PTPRT: variants seen among roughly 807,000 people sequenced by gnomAD.
PTPRT encodes the protein protein tyrosine phosphatase receptor type T, also known as receptor-type tyrosine-protein phosphatase T.
PTPRT carries 56 observed loss-of-function variants against 176.8 expected under a neutral mutation model. The ratio of observed to expected loss-of-function variants is 0.32; its 90% CI spans 0.26 to 0.40. PTPRT has a LOEUF of 0.40. PTPRT is among the 10% of genes least tolerant of loss of function. The pLI, the probability that PTPRT is intolerant of heterozygous loss-of-function variation, is 1.00. For synonymous variants in PTPRT, 783 were observed against 739.0 expected, an observed-to-expected ratio of 1.06 and a Z score of -0.96; for missense variants, 1,540 against 1,908.2, an observed-to-expected ratio of 0.81 and a Z score of 3.60.
At chr20:42,389,209 G>A (rs751803808) in intron 9 of PTPRT, among the ~76,000 whole-genome samples, 1 of 151,974 alleles carries the variant, frequency 6.6e-6, no homozygotes, top group East Asian at 1.9e-4. Flanking sequence ...ACACCAACAT[G>A]GCACGTGTAT....
At chr20:42,434,611 G>A (rs1277999554) in intron 9 of PTPRT, among the ~76,000 whole-genome samples, 1 of 145,254 alleles carries the variant, frequency 6.9e-6, no homozygotes, top group Admixed American at 7.2e-5. Context: ...CTCTACCTAC[G>A]CCTTCAAAGG....
chr20:42,476,204 G>T (rs558233671), intron 7 of PTPRT, among the ~76,000 whole-genome samples: 2 of 152,322 alleles, frequency 1.3e-5, no homozygotes, highest in African/African-American at 4.8e-5. Flanking sequence ...AATGCCTTTG[G>T]AAGCTTGTGT....
At chr20:42,876,526 G>A (rs1424273258) in intron 2 of PTPRT, among the ~76,000 whole-genome samples, 1 of 152,076 alleles carries the variant, frequency 6.6e-6, no homozygotes, top group Admixed American at 6.5e-5. Flanking sequence ...CTTCAGAGCA[G>A]AAGAACCCAG....
intron 1 of PTPRT, among the ~76,000 whole-genome samples, chr20:42,899,743 C>CATGA (rs1253503305): frequency 6.6e-6 from 1 of 152,156 alleles, no homozygotes; most frequent in African/African-American, 2.4e-5. Flanking sequence ...TTTAAATGCT[C>CATGA]ATGAATGAAT....
At chr20:42,131,013 A>G (rs1436689792) in intron 18 of PTPRT, among the ~76,000 whole-genome samples, 13 of 152,228 alleles carry the variant, frequency 8.5e-5, no homozygotes, top group African/African-American at 3.1e-4. Context: ...GCTCAGAAAG[A>G]TTAAGCAAGC....
At chr20:42,593,213 T>A (rs552602538) in intron 7 of PTPRT, among the ~76,000 whole-genome samples, 1 of 152,090 alleles carries the variant, frequency 6.6e-6, no homozygotes, top group Non-Finnish European at 1.5e-5. Context: ...CCAAAACCCA[T>A]CTCTGTGATC....
chr20:42,196,693 A>G (rs1991229873), intron 16 of PTPRT, among the ~76,000 whole-genome samples: 1 of 152,198 alleles, frequency 6.6e-6, no homozygotes, highest in Non-Finnish European at 1.5e-5. Flanking sequence ...TATGTCAACA[A>G]CCAATTTCCC....
chr20:42,300,940 A>G (rs1205953381), intron 12 of PTPRT, among the ~76,000 whole-genome samples: 1 of 140,252 alleles, frequency 7.1e-6, no homozygotes, highest in African/African-American at 2.7e-5. Context: ...GGGGAACATC[A>G]CACTCTGGGG....
intron 1 of PTPRT, among the ~76,000 whole-genome samples, chr20:42,999,733 G>C (rs1046800443): frequency 3.9e-5 from 6 of 151,942 alleles, no homozygotes; most frequent in Non-Finnish European, 8.8e-5. Context: ...CTTGAGCCCA[G>C]GAATTTGTAG....
chr20:42,488,021 C>A (rs2071493234), intron 7 of PTPRT, among the ~76,000 whole-genome samples: 1 of 152,150 alleles, frequency 6.6e-6, no homozygotes, highest in South Asian at 2.1e-4. Context: ...AGCTCGTTTA[C>A]CTTTTTGTCA....
Position 42,879,485 on chromosome 20 carries a change from C to T in PTPRT, c.214+6322G>A, listed in dbSNP as rs569766349. 2.6e-5 allele frequency among the ~76,000 whole-genome samples: 4 copies of T among 152,288 alleles called. No homozygotes were observed. The South Asian group carries it at 8.3e-4, about 32-fold the overall frequency. On this transcript the variant is annotated intron_variant, in intron 2 of 30. Coordinates refer to ENST00000373187, the MANE Select transcript of PTPRT (RefSeq NM_007050.6). Reference sequence around the variant, plus strand: ...CCAATATGACCAGCCTGACCTCATCCTAATTTGATCATTTCTATAAATACT... The same window carrying T: ...CCAATATGACCAGCCTGACCTCATCTTAATTTGATCATTTCTATAAATACT...
chr20:42,322,157 T>C (rs1236587288), intron 11 of PTPRT, among the ~76,000 whole-genome samples: 3 of 152,018 alleles, frequency 2.0e-5, no homozygotes, highest in Non-Finnish European at 2.9e-5. Context: ...GTAGGAAGAA[T>C]CAATATCGTG....
intron 7 of PTPRT, among the ~76,000 whole-genome samples, chr20:42,494,201 A>G (rs534860648): frequency 3.9e-5 from 6 of 152,268 alleles, no homozygotes; most frequent in Admixed American, 1.3e-4. Context: ...TAATGATGAG[A>G]TCACTGCATC....
intron 1 of PTPRT, among the ~76,000 whole-genome samples, chr20:43,078,998 C>A (rs907541387): frequency 6.6e-6 from 1 of 152,202 alleles, no homozygotes; most frequent in Admixed American, 6.5e-5. Flanking sequence ...GAGTGCTCTA[C>A]AGTTCTGTTC....
intron 9 of PTPRT, among the ~76,000 whole-genome samples, chr20:42,413,993 G>A (rs762627109): frequency 3.9e-5 from 6 of 152,072 alleles, no homozygotes; most frequent in Admixed American, 6.6e-5. Context: ...CACCATGCCC[G>A]GCTAATTTTT....
chr20:42,276,496 A>AATATATATATAT (rs61484693), intron 13 of PTPRT, among the ~76,000 whole-genome samples: 8 of 44,180 alleles, frequency 1.8e-4, no homozygotes, highest in Non-Finnish European at 2.4e-4. Flanking sequence ...GAAAGAAGGA[A>AATATATATATAT]ATATATATAT....
intron 7 of PTPRT, among the ~76,000 whole-genome samples, chr20:42,518,213 A>T (rs2072104834): frequency 6.6e-6 from 1 of 151,998 alleles, no homozygotes; most frequent in South Asian, 2.1e-4. Flanking sequence ...CTGTCATTTT[A>T]ATAGTGTTTC....
At chr20:42,442,649 T>C (rs911734054) in intron 9 of PTPRT, among the ~76,000 whole-genome samples, 3 of 152,228 alleles carry the variant, frequency 2.0e-5, no homozygotes, top group African/African-American at 7.2e-5. Flanking sequence ...TTAAATATTT[T>C]CACACTTCGT....
At position 42,352,285 on chromosome 20, in the gene PTPRT, T is replaced by C; in HGVS notation, c.1561A>G (p.Ile521Val). The C allele has an allele frequency of 6.2e-7, 1 of 1,614,032 alleles. No homozygotes were observed. Among genetic ancestry groups the C allele is most frequent in the East Asian group, 2.2e-5 (1 of 44,868 alleles). ...ETNGVITLYE[I>V]NYKAVGSLDP... is the part of the protein sequence containing the mutation. ...AGCGAGCCGACAGCCTTGTAGTTGATCTGTAGGACAAGCCAGCAAACAAAC... is the reference window on the plus strand; with the variant it reads ...AGCGAGCCGACAGCCTTGTAGTTGACCTGTAGGACAAGCCAGCAAACAAAC... The change falls in exon 10 of 31, where the codon ATC (isoleucine) becomes GTC (valine). Residue 521 changes from isoleucine to valine, a missense_variant and splice_region_variant. By Grantham distance (29) the Ile-to-Val change is conservative. Transcript: ENST00000373187.
Sources: allele counts gnomAD v4.1 joint callset (sites outside exome capture counted in the v4.1 genomes callset), GRCh38; gene constraint gnomAD v4.1.1; transcripts MANE v1.5; gene names NCBI Gene and HGNC (gene_info 2026-07-23, HGNC 2026-07-21).